The following ANO4 variants were observed in gnomAD, a reference collection of about 807,000 sequenced individuals.
The protein encoded by ANO4 is anoctamin 4.
A neutral mutation model predicts 141.9 loss-of-function variants in ANO4; 69 were observed. The observed-to-expected ratio is 0.49, with a 90% CI of 0.40 to 0.59. ANO4 has a LOEUF of 0.59. Among genes scored for constraint, ANO4 ranks in the 20% least tolerant of loss-of-function variants. ANO4 has a pLI of 0.00. For synonymous variants in ANO4, 350 were observed against 394.3 expected (o/e 0.89, Z 1.33); for missense variants, 894 against 1,162.2 (o/e 0.77, Z 3.36).
At chr12:101,088,727 A>C (rs1312516963) in intron 17 of ANO4, among the ~76,000 whole-genome samples, 1 of 151,902 alleles carries the variant, frequency 6.6e-6, no homozygotes, top group Admixed American at 6.6e-5. Context: ...CCATCTCTAC[A>C]AACAAAATTT....
chr12:100,807,023 C>G (rs1374732041), intron 1 of ANO4, among the ~76,000 whole-genome samples: 1 of 152,024 alleles, frequency 6.6e-6, no homozygotes, highest in Non-Finnish European at 1.5e-5. Flanking sequence ...ATCAGAAAAG[C>G]CTAACCCACT....
intron 1 of ANO4, among the ~76,000 whole-genome samples, chr12:100,802,923 T>G (rs1190925022): frequency 6.6e-6 from 1 of 152,244 alleles, no homozygotes; most frequent in African/African-American, 2.4e-5. Flanking sequence ...TTATATTCAC[T>G]TTCTGACAAT....
chr12:100,992,994 C>G (rs763725400), intron 8 of ANO4, among the ~76,000 whole-genome samples: 2 of 152,130 alleles, frequency 1.3e-5, no homozygotes, highest in Non-Finnish European at 2.9e-5. Flanking sequence ...GAATTCAAGA[C>G]CAGCCTAGGC....
At chr12:101,033,216 A>G (rs2047049191) in intron 9 of ANO4, among the ~76,000 whole-genome samples, 1 of 151,978 alleles carries the variant, frequency 6.6e-6, no homozygotes, top group African/African-American at 2.4e-5. Context: ...CTATCGCAAG[A>G]ACAAAAAACC....
intron 1 of ANO4, among the ~76,000 whole-genome samples, chr12:100,725,675 C>A (rs911381464): frequency 1.3e-5 from 2 of 152,120 alleles, no homozygotes; most frequent in Non-Finnish European, 1.5e-5. Flanking sequence ...GTCAACCTGG[C>A]CTATGCCTAA....
intron 3 of ANO4, among the ~76,000 whole-genome samples, chr12:100,934,418 T>A (rs1244473788): frequency 6.6e-6 from 1 of 152,152 alleles, no homozygotes; most frequent in Non-Finnish European, 1.5e-5. Flanking sequence ...AGATGTGTGG[T>A]GTTATTTCTG....
chr12:101,013,358 G>A (rs2046184157), intron 8 of ANO4, among the ~76,000 whole-genome samples: 1 of 152,004 alleles, frequency 6.6e-6, no homozygotes, highest in African/African-American at 2.4e-5. Context: ...TAAGACATGG[G>A]GACCCTCATT....
Position 100,763,515 on chromosome 12 carries a change from C to G in ANO4, c.358+23410C>G, listed in dbSNP as rs1024984729. Among the ~76,000 whole-genome samples, 3 of 152,194 alleles carry G rather than the reference C, an allele frequency of 2.0e-5. No homozygotes were observed. In the East Asian group the frequency reaches 5.8e-4, roughly 29 times the overall value. On this transcript the variant is annotated intron_variant, in intron 3 of 29. Transcript: ENST00000644049. ...TTTTGACTAGCCCTTGCTGTGCTAG[C>G]CCAGCTCTCCAGCTCCTTACACATC...
intron 3 of ANO4, among the ~76,000 whole-genome samples, chr12:100,753,025 C>T (rs575615823): frequency 6.6e-6 from 1 of 152,264 alleles, no homozygotes; most frequent in African/African-American, 2.4e-5. Context: ...GATGACTCAG[C>T]TGTGCTCCAT....
intron 15 of ANO4, among the ~76,000 whole-genome samples, chr12:101,082,376 G>T (rs953834574): frequency 3.9e-5 from 6 of 151,974 alleles, no homozygotes; most frequent in African/African-American, 1.5e-4. Flanking sequence ...CCCATTCTTG[G>T]GTATTTCTTC....
chr12:100,965,456 G>A (rs1005832919), intron 5 of ANO4, among the ~76,000 whole-genome samples: 2 of 152,010 alleles, frequency 1.3e-5, no homozygotes, highest in Non-Finnish European at 2.9e-5. Context: ...CATGCAGCAC[G>A]CACTTTTGGA....
At chr12:100,953,614 G>A (rs2043062962) in intron 5 of ANO4, among the ~76,000 whole-genome samples, 1 of 152,096 alleles carries the variant, frequency 6.6e-6, no homozygotes, top group Non-Finnish European at 1.5e-5. Context: ...AGGAAGGGAG[G>A]CATTAAATAA....
chr12:101,086,755 T>C lies in ANO4; in HGVS notation c.1632T>C (p.Asn544=), dbSNP rs781437938. 1.2e-6 allele frequency: 2 copies of C among 1,613,900 alleles called. No individual in the cohort carries two copies. The highest frequency in any genetic ancestry group is 2.2e-5 in the South Asian group (2 of 91,084). The change falls in exon 17 of 28, where the codon AAT becomes AAC. Residue 544 remains asparagine, a synonymous_variant. Transcript: ENST00000392977. The stretch of plus-strand genomic sequence containing the variant: ...CCTTTAAGTGGGCGTTAATCAGGAA[T>C]AACTCTCAGGTTGCAACCACAGGGA... ...FAAFKWALIR[N]NSQVATTGTA...
intron 15 of ANO4, 55 bp downstream of exon 15, chr12:101,079,330 G>GC (rs2049148708): frequency 7.0e-7 from 1 of 1,425,970 alleles, no homozygotes; most frequent in Non-Finnish European, 9.7e-7. Context: ...AGAACCACAC[G>GC]ACCCCCCCCC....
intron 1 of ANO4, among the ~76,000 whole-genome samples, chr12:100,729,360 CAAAAAAAAAA>C (rs1156522144): frequency 6.6e-4 from 15 of 22,576 alleles, no homozygotes; most frequent in African/African-American, 9.3e-4. Flanking sequence ...AACTCTGTCT[CAAAAAAAAAA>C]AAAAAAAAAA....
At chr12:100,726,517 A>G (rs1292246517) in intron 1 of ANO4, among the ~76,000 whole-genome samples, 1 of 152,206 alleles carries the variant, frequency 6.6e-6, no homozygotes, top group Non-Finnish European at 1.5e-5. Context: ...TAAGCTGTAG[A>G]TCAGTGCTGC....
intron 1 of ANO4, among the ~76,000 whole-genome samples, chr12:100,809,757 G>A (rs11110532): frequency 0.18 from 27,596 of 152,164 alleles, 2,756 homozygotes; most frequent in African/African-American, 0.26. Flanking sequence ...GCAAGAAAAG[G>A]TCAGATTGTA....
chr12:100,942,685 T>C (rs2042568349), intron 5 of ANO4, 150 bp downstream of exon 5: 1 of 821,116 alleles, frequency 1.2e-6, no homozygotes. Flanking sequence ...TGTTCCAATA[T>C]TTAGACTTTG....
intron 2 of ANO4, among the ~76,000 whole-genome samples, chr12:100,921,644 G>A (rs549303440): frequency 6.6e-6 from 1 of 152,178 alleles, no homozygotes; most frequent in Admixed American, 6.5e-5. Context: ...TTTAGAACAT[G>A]CCAAAAATAC....
Sources: allele counts gnomAD v4.1 joint callset (sites outside exome capture counted in the v4.1 genomes callset), GRCh38; gene constraint gnomAD v4.1.1; transcripts MANE v1.5; gene names NCBI Gene and HGNC (gene_info 2026-07-23, HGNC 2026-07-21).